EFCAB8: variants seen among roughly 807,000 people sequenced by gnomAD.
EFCAB8 encodes EF-hand calcium-binding domain-containing protein 8.
EFCAB8 carries 100 observed loss-of-function variants against 116.3 expected under a neutral mutation model. That is an observed-to-expected ratio of 0.86 (90% CI 0.73 to 1.02). EFCAB8 has a LOEUF of 1.02. Among genes scored for constraint, EFCAB8 ranks in the 50% least tolerant of loss-of-function variants. The pLI, the probability that EFCAB8 is intolerant of heterozygous loss-of-function variation, is 0.00. For missense variants in EFCAB8, 1,320 were observed against 1,416.9 expected (o/e 0.93, Z 1.10); for synonymous variants, 558 against 567.9 (o/e 0.98, Z 0.25).
intron 11 of EFCAB8, among the ~76,000 whole-genome samples, chr20:32,900,694 G>A (rs1206514458): frequency 6.6e-6 from 1 of 152,170 alleles, no homozygotes; most frequent in Non-Finnish European, 1.5e-5. Flanking sequence ...AGCCTCCCAG[G>A]TAGTTGGGAC....
chr20:32,864,782 A>G (rs1321774213), intron 2 of EFCAB8, among the ~76,000 whole-genome samples: 1 of 152,160 alleles, frequency 6.6e-6, no homozygotes, highest in Non-Finnish European at 1.5e-5. Context: ...GAGTATAGAG[A>G]TAATTAATAC....
intron 22 of EFCAB8, among the ~76,000 whole-genome samples, chr20:32,933,501 G>A (rs921724288): frequency 2.0e-5 from 3 of 152,046 alleles, no homozygotes; most frequent in East Asian, 3.9e-4. Context: ...TAGTTATGTT[G>A]AAGTATGCAA....
intron 7 of EFCAB8, 144 bp from the exon 8 acceptor site, chr20:32,892,069 T>G (rs1438730103): frequency 1.4e-6 from 1 of 701,774 alleles, no homozygotes; most frequent in Non-Finnish European, 2.4e-6. Flanking sequence ...GTTTACTCTG[T>G]GAACAGCTGT....
rs565895956 is a variant in EFCAB8 at position 32,921,759 on chromosome 20, C to G, written c.2412+1544C>G. Among the ~76,000 whole-genome samples, 3 of 142,628 alleles carry G rather than the reference C, an allele frequency of 2.1e-5. No homozygotes were observed. In the East Asian group the frequency reaches 6.0e-4, roughly 28 times the overall value. The allele number at this position is 142,628 out of a possible 152,430, so 93.6% of individuals were successfully genotyped here. On this transcript the variant is annotated intron_variant, in intron 20 of 26. Transcript: ENST00000400522. ...GCTATGTCCTGCCATATGCTTTTTT[C>G]TGTAAGTCTATAGCATGGATATACT...
intron 22 of EFCAB8, among the ~76,000 whole-genome samples, chr20:32,938,845 C>T (rs1988222519): frequency 6.7e-6 from 1 of 149,724 alleles, no homozygotes; most frequent in African/African-American, 2.5e-5. Context: ...ATAGCATATT[C>T]CCCAAATTGA....
At chr20:32,950,895 GGGA>G in intron 23 of EFCAB8, among the ~76,000 whole-genome samples, 1 of 152,284 alleles carries the variant, frequency 6.6e-6, no homozygotes, top group Admixed American at 6.5e-5. Flanking sequence ...AGGCTAGAAA[GGGA>G]GCTGGAACTT....
At position 32,897,469 on chromosome 20, in the gene EFCAB8, G is replaced by A. The variant is rs575032303; in HGVS notation, c.957+942G>A. 4.6e-4 allele frequency among the ~76,000 whole-genome samples: 69 copies of A among 151,224 alleles called. 1 individual carries two copies. Among genetic ancestry groups the A allele is most frequent in the African/African-American group, 1.6e-3 (67 of 41,176 alleles). Reference sequence around the variant, plus strand: ...TTTTTTTTTTTTTGGTTGAGTCAGGGCCTTACTCTGCTGCCCTGGCTGGCA... The same window carrying A: ...TTTTTTTTTTTTTGGTTGAGTCAGGACCTTACTCTGCTGCCCTGGCTGGCA... On this transcript the variant is annotated intron_variant, in intron 10 of 26. Transcript: ENST00000400522.
intron 9 of EFCAB8, among the ~76,000 whole-genome samples, chr20:32,894,458 G>A (rs1390241980): frequency 6.6e-6 from 1 of 152,258 alleles, no homozygotes; most frequent in Non-Finnish European, 1.5e-5. Context: ...GTGGGAACTG[G>A]CACGGGAGGT....
At chr20:32,903,939 CA>C (rs1484886610) in intron 11 of EFCAB8, among the ~76,000 whole-genome samples, 1 of 152,128 alleles carries the variant, frequency 6.6e-6, no homozygotes, top group Non-Finnish European at 1.5e-5. Flanking sequence ...GGAGCCGGGT[CA>C]GGGGTGACTT....
intron 20 of EFCAB8, among the ~76,000 whole-genome samples, chr20:32,925,876 T>C (rs1043951382): frequency 2.0e-5 from 3 of 152,218 alleles, no homozygotes; most frequent in African/African-American, 7.2e-5. Context: ...TCACCTTCAG[T>C]CCAGCAGCTC....
At chr20:32,915,549 G>C (rs1987146221) in intron 17 of EFCAB8, among the ~76,000 whole-genome samples, 1 of 152,124 alleles carries the variant, frequency 6.6e-6, no homozygotes, top group African/African-American at 2.4e-5. Context: ...TAAGAATATT[G>C]AGGCTTTCTC....
At chr20:32,918,617 G>T in intron 19 of EFCAB8, 43 bp downstream of exon 19, 1 of 1,538,362 alleles carries the variant, frequency 6.5e-7, no homozygotes, top group Non-Finnish European at 8.8e-7. Flanking sequence ...TCACTCTCTA[G>T]CCGCCGGCGT....
chr20:32,920,085 C>G lies in EFCAB8; in HGVS notation c.2282C>G (p.Ser761Cys), dbSNP rs368633916. The change falls in exon 20 of 27, where the codon TCC (serine) becomes TGC (cysteine). Residue 761 changes from serine (S) to cysteine (C), a missense_variant. By Grantham distance (112) the Ser-to-Cys change is moderately radical. Coordinates refer to ENST00000400522, the MANE Select transcript of EFCAB8 (RefSeq NM_001143967.2). ...GCCCATCTTTCTTTCCAGAAACCTT[C>G]CAGTGCTTCTGGCACATCCAGGCAG... ...PDRPVPQQKPSSASGTSRQSS... is the reference protein window; with the variant it reads ...PDRPVPQQKPCSASGTSRQSS... 514 of 1,551,752 alleles carry G rather than the reference C, an allele frequency of 3.3e-4. 3 individuals are homozygous for G. In the African/African-American group the frequency reaches 6.5e-3, roughly 19 times the overall value.
Position 32,898,523 on chromosome 20 carries a change from AAG to A in EFCAB8, c.989_990del (p.Lys330IlefsTer30). ...CCATCCCAACTGGTGTGAGCAGGTC[AAG>A]TTCATCCCCCAGATGAATGTGGTAG... Reference protein sequence around the residue: ...ALHPNWCEQVKFIPQMNVVVS... With the variant: ...ALHPNWCEQVXFIPQMNVVVS... On this transcript the variant is annotated frameshift_variant, in exon 11 of 27. Coordinates refer to ENST00000400522, the MANE Select transcript of EFCAB8 (RefSeq NM_001143967.2). LOFTEE classifies it high-confidence loss of function. 1 of 718,588 alleles carries A rather than the reference AAG, an allele frequency of 1.4e-6. No homozygotes were observed. The highest frequency in any genetic ancestry group is 2.6e-6 in the Non-Finnish European group (1 of 385,096). The allele number at this position is 718,588 out of a possible 1,614,324, so 44.5% of individuals were successfully genotyped here. A position where few individuals can be genotyped will look rare whatever the true frequency, so the allele number is the denominator to read the frequency against.
rs972102707 is a variant in EFCAB8, at chr20:32,911,758, G to A, written c.1785+51G>A. 4.6e-6 allele frequency: 7 copies of A among 1,515,612 alleles called. No homozygotes were observed. The African/African-American group carries it at 6.9e-5, about 15-fold the overall frequency. The allele number at this position is 1,515,612 out of a possible 1,614,324, so 93.9% of individuals were successfully genotyped here. A position where few individuals can be genotyped will look rare whatever the true frequency, so the allele number is the denominator to read the frequency against. ...CAGGGACGGCCTCTTGGGAAGCAAA[G>A]CACAGCTCCTTTGACCCTGGGATGC... On this transcript the variant is annotated intron_variant, in intron 16 of 26. Transcript: ENST00000400522.
Position 32,930,452 on chromosome 20 carries a change from A to G in EFCAB8, c.2467A>G (p.Ser823Gly). Residue 823 changes from serine to glycine, a missense_variant, in exon 21 of 27, where the codon AGC (serine) becomes GGC (glycine). Coordinates refer to ENST00000400522, the MANE Select transcript of EFCAB8 (RefSeq NM_001143967.2). ...RLPHTAALLSSCMDGYIYAWS... is the reference protein window; with the variant it reads ...RLPHTAALLSGCMDGYIYAWS... ...GCCGCACACGGCTGCCCTGCTGAGC[A>G]GCTGCATGGACGGCTACATCTACGC... 4 of 1,551,858 alleles carry G rather than the reference A, an allele frequency of 2.6e-6. No homozygotes were observed. Among genetic ancestry groups the G allele is most frequent in the Non-Finnish European group, 3.5e-6 (4 of 1,147,034 alleles).
Position 32,924,218 on chromosome 20 carries a change from C to T in EFCAB8, c.2412+4003C>T, listed in dbSNP as rs374970064. On this transcript the variant is annotated intron_variant, in intron 20 of 26. Transcript: ENST00000400522. ...GGGACCACAGGTGTGTGCTACTGTG[C>T]CTGGCTCATTAAAAAAATATATATT... Among the ~76,000 whole-genome samples, 4 of 152,150 alleles carry T rather than the reference C, an allele frequency of 2.6e-5. No homozygotes were observed. In the South Asian group the frequency reaches 8.3e-4, roughly 32 times the overall value.
At chr20:32,926,600 G>A (rs1376247881) in intron 20 of EFCAB8, among the ~76,000 whole-genome samples, 1 of 148,244 alleles carries the variant, frequency 6.7e-6, no homozygotes, top group Non-Finnish European at 1.5e-5. Flanking sequence ...ATGCTGGTGC[G>A]CTGCACCCAC....
chr20:32,864,284 T>A (rs958942738), intron 2 of EFCAB8, among the ~76,000 whole-genome samples: 1 of 150,518 alleles, frequency 6.6e-6, no homozygotes, highest in Admixed American at 6.6e-5. Flanking sequence ...CTAAGTGTAC[T>A]TTTAAAGGGC....
Sources: allele counts gnomAD v4.1 joint callset (sites outside exome capture counted in the v4.1 genomes callset), GRCh38; gene constraint gnomAD v4.1.1; transcripts MANE v1.5; gene names NCBI Gene and HGNC (gene_info 2026-07-23, HGNC 2026-07-21).